SYN3: variants seen among roughly 807,000 people sequenced by gnomAD.
SYN3 encodes synapsin-3.
In SYN3, 35 loss-of-function variants were observed where a neutral mutation model predicts 65.8. That is an observed-to-expected ratio of 0.53 (90% CI 0.41 to 0.70). The LOEUF is 0.70. SYN3 is among the 30% of genes least tolerant of loss of function. The pLI, the probability that SYN3 is intolerant of heterozygous loss-of-function variation, is 0.00. For synonymous variants in SYN3, 270 were observed against 292.9 expected (o/e 0.92, Z 0.80); for missense variants, 680 against 749.0 (o/e 0.91, Z 1.08).
At chr22:33,006,200 C>T in intron 2 of SYN3, 152 bp downstream of exon 2, 3 of 824,758 alleles carry the variant, frequency 3.6e-6, no homozygotes, top group Non-Finnish European at 5.4e-6. Flanking sequence ...ATGCAGCAGC[C>T]ACTTGGTACA....
intron 7 of SYN3, among the ~76,000 whole-genome samples, chr22:32,580,542 G>T (rs1443904069): frequency 6.6e-6 from 1 of 152,094 alleles, no homozygotes; most frequent in Non-Finnish European, 1.5e-5. Flanking sequence ...GTAGGGTTTG[G>T]TACTGTTCAT....
intron 7 of SYN3, among the ~76,000 whole-genome samples, chr22:32,554,285 C>T (rs2058459414): frequency 6.6e-6 from 1 of 152,100 alleles, no homozygotes; most frequent in Non-Finnish European, 1.5e-5. Context: ...CCCAGATGGT[C>T]CCTCAATACG....
chr22:32,905,195 A>T (rs1039113963), intron 4 of SYN3, among the ~76,000 whole-genome samples: 1 of 152,252 alleles, frequency 6.6e-6, no homozygotes, highest in Non-Finnish European at 1.5e-5. Flanking sequence ...GAAGGAGGAT[A>T]CAAATAAGGT....
chr22:32,994,172 T>A (rs1291076688), intron 2 of SYN3, among the ~76,000 whole-genome samples: 3 of 152,102 alleles, frequency 2.0e-5, no homozygotes. Context: ...CACAAGGCCC[T>A]CACTGTGTGC....
intron 6 of SYN3, among the ~76,000 whole-genome samples, chr22:32,820,786 A>C (rs530467165): frequency 2.0e-5 from 3 of 152,330 alleles, no homozygotes; most frequent in East Asian, 1.9e-4. Flanking sequence ...TTGAAAGCCA[A>C]GTCAACAGAT....
chr22:32,847,811 G>A (rs578095435), intron 6 of SYN3, among the ~76,000 whole-genome samples: 53 of 152,282 alleles, frequency 3.5e-4, no homozygotes, highest in African/African-American at 1.3e-3. Flanking sequence ...AGGATCTCAG[G>A]GCTGAAGGAG....
chr22:32,510,294 C>T lies in SYN3; in HGVS notation c.*3398G>A, dbSNP rs2057676714. Among the ~76,000 whole-genome samples, 1 of 152,214 alleles carries T rather than the reference C, an allele frequency of 6.6e-6. No individual in the cohort carries two copies. Among genetic ancestry groups the T allele is most frequent in the African/African-American group, 2.4e-5 (1 of 41,456 alleles). Reference sequence around the variant, plus strand: ...ATTGACAAAGATGCAGGTTCTGGGTCCTGTGACCAGAAATTCGGACTCCTT... The same window carrying T: ...ATTGACAAAGATGCAGGTTCTGGGTTCTGTGACCAGAAATTCGGACTCCTT... On this transcript the variant is annotated 3_prime_UTR_variant, in exon 14 of 14. Transcript: ENST00000358763.
At chr22:32,514,844 G>A (rs978824691) in intron 13 of SYN3, among the ~76,000 whole-genome samples, 3 of 152,090 alleles carry the variant, frequency 2.0e-5, no homozygotes, top group Non-Finnish European at 2.9e-5. Flanking sequence ...GTGAAACCCC[G>A]TCTCTACTAA....
At chr22:32,685,104 C>T (rs1034692041) in intron 6 of SYN3, among the ~76,000 whole-genome samples, 54 of 152,072 alleles carry the variant, frequency 3.6e-4, no homozygotes, top group African/African-American at 1.2e-3. Flanking sequence ...ACTTTATGGC[C>T]GGCAAGCAGA....
At chr22:32,688,199 G>C (rs1160108999) in intron 6 of SYN3, among the ~76,000 whole-genome samples, 1 of 152,134 alleles carries the variant, frequency 6.6e-6, no homozygotes, top group Non-Finnish European at 1.5e-5. Context: ...TCCATGTTGG[G>C]CATGTTCAGA....
At chr22:33,010,749 T>C (rs1275116989) in intron 1 of SYN3, among the ~76,000 whole-genome samples, 3 of 152,204 alleles carry the variant, frequency 2.0e-5, no homozygotes, top group Admixed American at 1.3e-4. Context: ...CTGAACAATA[T>C]TGGGTTCTCT....
Position 32,582,562 on chromosome 22 carries a change from G to GT in SYN3, c.774+14111dup, listed in dbSNP as rs1408457820. On this transcript the variant is annotated intron_variant, in intron 7 of 13. Coordinates refer to ENST00000358763, the MANE Select transcript of SYN3 (RefSeq NM_003490.4). ...TAATTTTTGTAGAGACGGGCTGGGGGTGGGGGTGGGTCTCACCATGCTGCT... is the reference window on the plus strand; with the variant it reads ...TAATTTTTGTAGAGACGGGCTGGGGGTTGGGGGTGGGTCTCACCATGCTGCT... Among the ~76,000 whole-genome samples the GT allele has an allele frequency of 7.9e-5, 12 of 151,974 alleles. No individual in the cohort carries two copies. The East Asian group carries it at 2.1e-3, about 27-fold the overall frequency.
intron 4 of SYN3, among the ~76,000 whole-genome samples, chr22:32,906,967 T>C (rs2049920137): frequency 6.6e-6 from 1 of 152,220 alleles, no homozygotes. Flanking sequence ...GCAATAAACA[T>C]ACATGTGCAT....
chr22:32,655,839 T>C (rs973151631), intron 6 of SYN3, among the ~76,000 whole-genome samples: 3 of 152,148 alleles, frequency 2.0e-5, no homozygotes, highest in Middle Eastern at 3.2e-3. Flanking sequence ...GCTTGAGTCA[T>C]CCTGAAACCA....
At chr22:32,847,100 C>T (rs367882938) in intron 6 of SYN3, among the ~76,000 whole-genome samples, 24 of 152,150 alleles carry the variant, frequency 1.6e-4, no homozygotes, top group African/African-American at 3.4e-4. Context: ...GGCCAAGACT[C>T]GCTCCCTTGT....
At chr22:32,715,778 CAAAAAAAAAA>C (rs765122891) in intron 6 of SYN3, among the ~76,000 whole-genome samples, 1 of 67,616 alleles carries the variant, frequency 1.5e-5, no homozygotes, top group African/African-American at 5.7e-5. Flanking sequence ...GACTCTGTCT[CAAAAAAAAAA>C]AAAAAAAAAA....
In SYN3 at chr22:32,988,537, A is replaced by G. The variant is rs1404081371; in HGVS notation, c.312-7835T>C. Among the ~76,000 whole-genome samples, 6 of 152,050 alleles carry G rather than the reference A, an allele frequency of 3.9e-5. No homozygotes were observed. In the East Asian group the frequency reaches 9.6e-4, roughly 24 times the overall value. On this transcript the variant is annotated intron_variant, in intron 2 of 13. Coordinates refer to ENST00000358763, the MANE Select transcript of SYN3 (RefSeq NM_003490.4). Reference sequence around the variant, plus strand: ...GCAGGCTTTAAGGAAACAAGCGCAAAGACAACATAGCTAGCTCTTGGTCTC... The same window carrying G: ...GCAGGCTTTAAGGAAACAAGCGCAAGGACAACATAGCTAGCTCTTGGTCTC...
chr22:33,040,343 C>T (rs1305804471), intron 1 of SYN3, among the ~76,000 whole-genome samples: 5 of 152,038 alleles, frequency 3.3e-5, no homozygotes, highest in South Asian at 2.1e-4. Context: ...AGAGTGTGGA[C>T]GAATGAAAGG....
chr22:32,980,330 C>T (rs942307639), intron 3 of SYN3, among the ~76,000 whole-genome samples: 39 of 152,280 alleles, frequency 2.6e-4, no homozygotes, highest in Admixed American at 1.7e-3. Context: ...CCAAAAGGAA[C>T]GGTATAGAAC....
Sources: allele counts gnomAD v4.1 joint callset (sites outside exome capture counted in the v4.1 genomes callset), GRCh38; gene constraint gnomAD v4.1.1; transcripts MANE v1.5; gene names NCBI Gene and HGNC (gene_info 2026-07-23, HGNC 2026-07-21).